Variants in RCSD1 observed in about 807,000 individuals in gnomAD.
RCSD1 encodes the protein capZ-interacting protein.
A neutral mutation model predicts 42.5 loss-of-function variants in RCSD1; 26 were observed. That is an observed-to-expected ratio of 0.61 (90% CI 0.45 to 0.85). RCSD1 has a LOEUF of 0.85. Ranked by LOEUF, RCSD1 falls within the 40% of genes least tolerant of loss-of-function variation. RCSD1 has a pLI of 0.00. For synonymous variants in RCSD1, 220 were observed against 212.2 expected, an observed-to-expected ratio of 1.04 and a Z score of -0.32; for missense variants, 571 against 528.3, an observed-to-expected ratio of 1.08 and a Z score of -0.79.
chr1:167,648,771 C>G (rs1658230803), intron 1 of RCSD1, among the ~76,000 whole-genome samples: 1 of 152,174 alleles, frequency 6.6e-6, no homozygotes, highest in Non-Finnish European at 1.5e-5. Flanking sequence ...GGAGGCAGAA[C>G]ACCAGAGGGT....
chr1:167,670,997 T>C (rs946518332), intron 1 of RCSD1, among the ~76,000 whole-genome samples: 3 of 152,224 alleles, frequency 2.0e-5, no homozygotes, highest in Admixed American at 6.5e-5. Context: ...TTAAGATCTC[T>C]ACTTATTTTC....
At position 167,683,943 on chromosome 1, in the gene RCSD1, C is replaced by T. The variant is rs1437883043; in HGVS notation, c.50C>T (p.Ser17Phe). Reference sequence around the variant, plus strand: ...AATGCCAATGTGGACAACTCGGCGTCCCCCTCGGTGGCCCAGCTGGCCGGG... The same window carrying T: ...AATGCCAATGTGGACAACTCGGCGTTCCCCTCGGTGGCCCAGCTGGCCGGG... ...ETNANVDNSA[S>F]PSVAQLAGRF... Residue 17 changes from serine (S) to phenylalanine (F), a missense_variant, in exon 2 of 7, where the codon TCC becomes TTC. Coordinates refer to ENST00000367854, the MANE Select transcript of RCSD1 (RefSeq NM_052862.4). 6.2e-7 allele frequency: 1 copy of T among 1,614,196 alleles called. No individual in the cohort carries two copies. The highest frequency in any genetic ancestry group is 1.1e-5 in the South Asian group (1 of 91,088).
chr1:167,682,316 C>A (rs1298047406), intron 1 of RCSD1, among the ~76,000 whole-genome samples: 1 of 152,042 alleles, frequency 6.6e-6, no homozygotes. Flanking sequence ...ATTACAGGTG[C>A]ACACCACCAC....
intron 1 of RCSD1, among the ~76,000 whole-genome samples, chr1:167,632,728 G>T (rs946092971): frequency 8.6e-5 from 10 of 116,452 alleles, no homozygotes; most frequent in African/African-American, 3.0e-4. Flanking sequence ...CAATTTGCTG[G>T]TTGGACAGTG....
At chr1:167,683,866 G>T in intron 1 of RCSD1, 34 bp from the exon 2 acceptor site, 1 of 1,599,192 alleles carries the variant, frequency 6.3e-7, no homozygotes, top group East Asian at 2.2e-5. Flanking sequence ...GTACCCATTT[G>T]CTGATTAACT....
intron 1 of RCSD1, among the ~76,000 whole-genome samples, chr1:167,668,039 C>T (rs1427292865): frequency 6.6e-6 from 1 of 151,986 alleles, no homozygotes; most frequent in Non-Finnish European, 1.5e-5. Context: ...ACCTGTAATC[C>T]CGACACTTTA....
At chr1:167,696,846 T>C (rs1659508306) in intron 5 of RCSD1, among the ~76,000 whole-genome samples, 1 of 152,232 alleles carries the variant, frequency 6.6e-6, no homozygotes, top group Admixed American at 6.5e-5. Flanking sequence ...TTTTTGTTTT[T>C]GTTTTTTACT....
At chr1:167,646,362 C>T (rs940607610) in intron 1 of RCSD1, among the ~76,000 whole-genome samples, 2 of 151,100 alleles carry the variant, frequency 1.3e-5, no homozygotes, top group Admixed American at 6.6e-5. Flanking sequence ...TCGGGACAGC[C>T]CTCACATTTG....
intron 1 of RCSD1, among the ~76,000 whole-genome samples, chr1:167,660,676 G>T (rs1658521300): frequency 6.6e-6 from 1 of 152,200 alleles, no homozygotes; most frequent in African/African-American, 2.4e-5. Flanking sequence ...GTCTCATTTT[G>T]TTGTCCAGGG....
chr1:167,698,947 C>T (rs985424301), intron 6 of RCSD1, among the ~76,000 whole-genome samples: 3 of 152,050 alleles, frequency 2.0e-5, no homozygotes, highest in Admixed American at 6.6e-5. Flanking sequence ...CCACAGGCGC[C>T]CGCCACCACG....
chr1:167,700,856 T>C (rs1659620484), intron 6 of RCSD1, among the ~76,000 whole-genome samples: 2 of 152,130 alleles, frequency 1.3e-5, no homozygotes, highest in Admixed American at 1.3e-4. Flanking sequence ...ATTTTCAGGT[T>C]AGGAGACACC....
At chr1:167,668,303 T>C (rs1243115034) in intron 1 of RCSD1, among the ~76,000 whole-genome samples, 4 of 151,248 alleles carry the variant, frequency 2.6e-5, no homozygotes, top group African/African-American at 4.9e-5. Context: ...AAAAAAACTC[T>C]GTGAGTTCCA....
intron 6 of RCSD1, among the ~76,000 whole-genome samples, chr1:167,700,786 C>A (rs1488524352): frequency 1.3e-5 from 2 of 152,132 alleles, no homozygotes; most frequent in East Asian, 3.8e-4. Flanking sequence ...ATCTGTTAGT[C>A]CTTTTTGAGG....
chr1:167,669,954 A>G (rs899030927), intron 1 of RCSD1, among the ~76,000 whole-genome samples: 5 of 150,042 alleles, frequency 3.3e-5, no homozygotes, highest in African/African-American at 1.2e-4. Flanking sequence ...TTCCTGCTGC[A>G]GCCTGAAGGA....
At chr1:167,699,672 T>A (rs1270011569) in intron 6 of RCSD1, among the ~76,000 whole-genome samples, 1 of 152,222 alleles carries the variant, frequency 6.6e-6, no homozygotes, top group Non-Finnish European at 1.5e-5. Flanking sequence ...TAAGGTCAAA[T>A]TCACAGGTAC....
chr1:167,663,339 G>C (rs1015182997), intron 1 of RCSD1, among the ~76,000 whole-genome samples: 1 of 152,200 alleles, frequency 6.6e-6, no homozygotes, highest in Non-Finnish European at 1.5e-5. Flanking sequence ...ACACCCCTGA[G>C]GCCAGCTGCA....
At chr1:167,636,822 G>C (rs1465962640) in intron 1 of RCSD1, among the ~76,000 whole-genome samples, 1 of 152,102 alleles carries the variant, frequency 6.6e-6, no homozygotes, top group East Asian at 1.9e-4. Flanking sequence ...CTGACCTCAG[G>C]TAATCCACCC....
intron 1 of RCSD1, among the ~76,000 whole-genome samples, chr1:167,667,573 T>G (rs994129531): frequency 3.9e-5 from 6 of 152,174 alleles, no homozygotes; most frequent in African/African-American, 1.4e-4. Flanking sequence ...CAGATACCCA[T>G]GGATAGAGAT....
rs767271482 is a variant in RCSD1 at position 167,685,485 on chromosome 1, T to C, written c.173T>C (p.Val58Ala). 10 of 1,613,718 alleles carry C rather than the reference T, an allele frequency of 6.2e-6. No homozygotes were observed. The East Asian group carries it at 2.0e-4, about 32-fold the overall frequency. ...TCCCTCCCCCTGTTCCCCCCCAAGG[T>C]AGACCTGGGCCAGAATGGTGAGGAG... ...PCSLPLFPPK[V>A]DLGQNGEEKS... The change falls in exon 3 of 7, where the codon GTA (valine) becomes GCA (alanine). Residue 58 changes from valine (V) to alanine (A), a missense_variant. By Grantham distance (64) the Val-to-Ala change is moderately conservative (BLOSUM62 0). Transcript: ENST00000367854.
Sources: gnomAD v4.1 joint callset for allele counts (sites outside exome capture counted in the v4.1 genomes callset) on GRCh38, gnomAD v4.1.1 for gene constraint, MANE v1.5 for transcripts, NCBI Gene and HGNC (gene_info 2026-07-23, HGNC 2026-07-21) for gene names.